Variants in SPAG16 observed in about 807,000 individuals in gnomAD.
The protein encoded by SPAG16 is sperm-associated antigen 16 protein.
SPAG16 carries 86 observed loss-of-function variants against 80.4 expected under a neutral mutation model. The observed-to-expected ratio is 1.07, with a 90% CI of 0.90 to 1.28. SPAG16 has a LOEUF of 1.28. SPAG16 is among the 50% of genes most tolerant of loss of function. The pLI, the probability that SPAG16 is intolerant of heterozygous loss-of-function variation, is 0.00. For synonymous variants in SPAG16, 294 were observed against 265.9 expected (o/e 1.11, Z -1.03); for missense variants, 870 against 765.3 (o/e 1.14, Z -1.61).
chr2:213,393,990 T>C (rs1457361224), intron 9 of SPAG16, among the ~76,000 whole-genome samples: 2 of 152,174 alleles, frequency 1.3e-5, no homozygotes, highest in Non-Finnish European at 2.9e-5. Flanking sequence ...TGATCAATTC[T>C]ATTAATGCGG....
chr2:213,762,753 C>T (rs749991138), intron 10 of SPAG16, among the ~76,000 whole-genome samples: 2 of 152,044 alleles, frequency 1.3e-5, no homozygotes, highest in Non-Finnish European at 2.9e-5. Flanking sequence ...GCACCAAAAG[C>T]GTAGGCAACA....
At chr2:213,333,365 A>G (rs575735756) in intron 5 of SPAG16, among the ~76,000 whole-genome samples, 5 of 152,284 alleles carry the variant, frequency 3.3e-5, no homozygotes, top group Admixed American at 2.0e-4. Flanking sequence ...ACACAGCAAC[A>G]TGGAAAGACA....
chr2:214,377,896 C>T (rs567504702), intron 15 of SPAG16, among the ~76,000 whole-genome samples: 1 of 152,272 alleles, frequency 6.6e-6, no homozygotes, highest in East Asian at 1.9e-4. Flanking sequence ...GTTACTTTAT[C>T]TGGTGAGAGG....
At chr2:214,361,882 A>T (rs902951188) in intron 15 of SPAG16, among the ~76,000 whole-genome samples, 6 of 151,900 alleles carry the variant, frequency 3.9e-5, no homozygotes, top group African/African-American at 1.4e-4. Flanking sequence ...TAATTGCGTT[A>T]TGTTATTCTT....
At chr2:213,328,916 A>G (rs983794394) in intron 5 of SPAG16, among the ~76,000 whole-genome samples, 10 of 152,162 alleles carry the variant, frequency 6.6e-5, no homozygotes, top group Admixed American at 2.0e-4. Context: ...GGTCTTTCCA[A>G]TGCTGTTCTC....
At chr2:214,058,710 A>C (rs1216293892) in intron 13 of SPAG16, among the ~76,000 whole-genome samples, 2 of 152,176 alleles carry the variant, frequency 1.3e-5, no homozygotes, top group African/African-American at 2.4e-5. Context: ...TGAGATATGC[A>C]TGTATCTCCT....
chr2:213,469,570 GTTTTTTTTTTTT>G (rs34005287), intron 9 of SPAG16, among the ~76,000 whole-genome samples: 2 of 79,294 alleles, frequency 2.5e-5, no homozygotes, highest in South Asian at 1.2e-3. Context: ...ACCTCAGCAG[GTTTTTTTTTTTT>G]TTTTTTTTTT....
intron 13 of SPAG16, among the ~76,000 whole-genome samples, chr2:214,081,965 A>G (rs747483815): frequency 2.6e-5 from 4 of 151,962 alleles, no homozygotes; most frequent in Non-Finnish European, 4.4e-5. Context: ...CACCATGGAG[A>G]CACTTCTGGC....
At chr2:213,854,827 T>C (rs1393988773) in intron 10 of SPAG16, among the ~76,000 whole-genome samples, 1 of 152,234 alleles carries the variant, frequency 6.6e-6, no homozygotes. Context: ...GTCATGCAAA[T>C]GTTTAGGGAT....
chr2:214,103,069 C>G (rs1007713540), intron 13 of SPAG16, among the ~76,000 whole-genome samples: 1 of 152,058 alleles, frequency 6.6e-6, no homozygotes, highest in Non-Finnish European at 1.5e-5. Context: ...TATATGCATG[C>G]CCATCTGAGG....
chr2:213,860,285 A>G (rs1214017772), intron 10 of SPAG16, among the ~76,000 whole-genome samples: 1 of 151,498 alleles, frequency 6.6e-6, no homozygotes, highest in African/African-American at 2.4e-5. Context: ...ATTCAGCTAA[A>G]GAACATTGTA....
At chr2:213,684,037 G>A (rs1399084890) in intron 10 of SPAG16, among the ~76,000 whole-genome samples, 1 of 152,190 alleles carries the variant, frequency 6.6e-6, no homozygotes, top group Non-Finnish European at 1.5e-5. Flanking sequence ...AATTCATTCT[G>A]ACTGTAGGCT....
chr2:214,055,113 T>C (rs35437741), intron 13 of SPAG16, among the ~76,000 whole-genome samples: 3 of 152,082 alleles, frequency 2.0e-5, no homozygotes, highest in Admixed American at 6.6e-5. Flanking sequence ...AAATAAGATA[T>C]GTAAAATCAC....
At chr2:213,840,893 C>A (rs956837398) in intron 10 of SPAG16, among the ~76,000 whole-genome samples, 1 of 152,024 alleles carries the variant, frequency 6.6e-6, no homozygotes, top group African/African-American at 2.4e-5. Flanking sequence ...GAAACTAAGA[C>A]CATAAGCTAA....
intron 10 of SPAG16, among the ~76,000 whole-genome samples, chr2:213,721,850 T>A (rs1212949333): frequency 1.3e-5 from 2 of 152,204 alleles, no homozygotes; most frequent in Non-Finnish European, 2.9e-5. Context: ...ACATTTTCCC[T>A]GGGAGCAAAA....
At chr2:213,829,990 A>T (rs2073536173) in intron 10 of SPAG16, among the ~76,000 whole-genome samples, 1 of 151,600 alleles carries the variant, frequency 6.6e-6, no homozygotes, top group South Asian at 2.1e-4. Context: ...TGGCACAAGG[A>T]CTCTCTTAGC....
chr2:213,889,812 C>T (rs769252300), intron 11 of SPAG16, among the ~76,000 whole-genome samples: 20 of 151,234 alleles, frequency 1.3e-4, no homozygotes, highest in Admixed American at 2.6e-4. Context: ...ATGATGACAT[C>T]AAATGTTGCC....
chr2:214,187,238 T>C (rs1040926129), intron 15 of SPAG16, among the ~76,000 whole-genome samples: 4 of 152,156 alleles, frequency 2.6e-5, no homozygotes, highest in Non-Finnish European at 1.5e-5. Flanking sequence ...AGTTCCGGTA[T>C]ATTCCTGTTT....
chr2:213,340,580 A>C (rs1261582875), intron 6 of SPAG16, among the ~76,000 whole-genome samples: 5 of 152,170 alleles, frequency 3.3e-5, no homozygotes, highest in Admixed American at 3.3e-4. Flanking sequence ...CTCAAGTATG[A>C]GTAAGAGTAG....
Sources: gnomAD v4.1 joint callset for allele counts (sites outside exome capture counted in the v4.1 genomes callset) on GRCh38, gnomAD v4.1.1 for gene constraint, MANE v1.5 for transcripts, NCBI Gene and HGNC (gene_info 2026-07-23, HGNC 2026-07-21) for gene names.